LHFPL2: variants seen among roughly 807,000 people sequenced by gnomAD.
LHFPL2 encodes the protein LHFPL tetraspan subfamily member 2 protein.
Under a neutral mutation model 17.5 loss-of-function variants are expected in LHFPL2, and 7 were observed. The observed-to-expected ratio is 0.40, with a 90% CI of 0.23 to 0.75. LHFPL2 has a LOEUF of 0.75. Ranked by LOEUF, LHFPL2 falls within the 30% of genes least tolerant of loss-of-function variation. The pLI, the probability that LHFPL2 is intolerant of heterozygous loss-of-function variation, is 0.37. For missense variants in LHFPL2, 241 were observed against 294.8 expected (o/e 0.82, Z 1.34); for synonymous variants, 134 against 116.2 (o/e 1.15, Z -0.99).
At chr5:78,599,359 G>A (rs1024731485) in intron 2 of LHFPL2, among the ~76,000 whole-genome samples, 6 of 152,126 alleles carry the variant, frequency 3.9e-5, no homozygotes, top group African/African-American at 1.4e-4. Flanking sequence ...GAGTGCAGTG[G>A]CTCAATCTCG....
chr5:78,634,869 T>C (rs557049609), intron 1 of LHFPL2, among the ~76,000 whole-genome samples: 73 of 152,288 alleles, frequency 4.8e-4, no homozygotes, highest in African/African-American at 1.7e-3. Context: ...GACAAAGACA[T>C]TTTATTTGTG....
chr5:78,514,460 G>A (rs575220370), intron 3 of LHFPL2, among the ~76,000 whole-genome samples: 1 of 152,282 alleles, frequency 6.6e-6, no homozygotes, highest in Non-Finnish European at 1.5e-5. Context: ...GTGGGAGTCA[G>A]TCCTATGTAC....
intron 4 of LHFPL2, chr5:78,491,104 C>T (rs1754430716): frequency 6.6e-6 from 1 of 152,278 alleles, no homozygotes; most frequent in South Asian, 2.1e-4. Flanking sequence ...CAGTGGTCTT[C>T]ATCCTGTGAT....
At chr5:78,564,525 T>C (rs1034786070) in intron 3 of LHFPL2, among the ~76,000 whole-genome samples, 4 of 152,190 alleles carry the variant, frequency 2.6e-5, no homozygotes, top group African/African-American at 9.7e-5. Flanking sequence ...ATGCCTATTA[T>C]AAAGAGCTCT....
intron 3 of LHFPL2, 58 bp from the exon 4 acceptor site, chr5:78,510,456 G>T: frequency 1.9e-6 from 1 of 516,668 alleles, no homozygotes; most frequent in South Asian, 2.7e-5. Context: ...CCTTCCCGCC[G>T]CGCAGCGACA....
At chr5:78,616,268 T>A (rs1278033585) in intron 2 of LHFPL2, among the ~76,000 whole-genome samples, 2 of 152,042 alleles carry the variant, frequency 1.3e-5, no homozygotes, top group Non-Finnish European at 1.5e-5. Context: ...CTGGGACTAC[T>A]GGTGCCCGCC....
At chr5:78,624,080 T>C (rs1184686337) in intron 2 of LHFPL2, among the ~76,000 whole-genome samples, 1 of 152,256 alleles carries the variant, frequency 6.6e-6, no homozygotes, top group Non-Finnish European at 1.5e-5. Flanking sequence ...GTCATTCTTC[T>C]TGCTGCTTTG....
At chr5:78,521,244 A>C (rs1308935561) in intron 3 of LHFPL2, among the ~76,000 whole-genome samples, 1 of 152,224 alleles carries the variant, frequency 6.6e-6, no homozygotes, top group East Asian at 1.9e-4. Flanking sequence ...TTTATCCTCC[A>C]TTCCTCAGTA....
intron 2 of LHFPL2, among the ~76,000 whole-genome samples, chr5:78,604,527 G>T (rs1744141641): frequency 1.3e-5 from 2 of 152,178 alleles, no homozygotes; most frequent in South Asian, 2.1e-4. Flanking sequence ...ATGTAAATGA[G>T]AATTCAATCT....
chr5:78,600,834 C>T (rs1743988211), intron 2 of LHFPL2, among the ~76,000 whole-genome samples: 1 of 152,130 alleles, frequency 6.6e-6, no homozygotes, highest in East Asian at 1.9e-4. Context: ...AAGTTGGTAA[C>T]TAAAGTCAAA....
intron 2 of LHFPL2, among the ~76,000 whole-genome samples, chr5:78,589,640 A>T (rs957907846): frequency 6.6e-6 from 1 of 152,096 alleles, no homozygotes; most frequent in Non-Finnish European, 1.5e-5. Context: ...TGAATAGGTG[A>T]GCAGAGATGT....
At chr5:78,509,732 C>A in intron 4 of LHFPL2, 52 bp downstream of exon 4, 2 of 1,552,482 alleles carry the variant, frequency 1.3e-6, no homozygotes, top group Non-Finnish European at 1.8e-6. Flanking sequence ...TGCGCTGCAC[C>A]GGCAGCTCTC....
chr5:78,565,335 C>A (rs1295408570), intron 2 of LHFPL2, among the ~76,000 whole-genome samples: 1 of 152,128 alleles, frequency 6.6e-6, no homozygotes, highest in African/African-American at 2.4e-5. Context: ...AAGCTAAATT[C>A]ACAAAGATGT....
At chr5:78,516,033 C>T (rs1244721992) in intron 3 of LHFPL2, among the ~76,000 whole-genome samples, 1 of 152,106 alleles carries the variant, frequency 6.6e-6, no homozygotes, top group Non-Finnish European at 1.5e-5. Context: ...CATTCAGGTC[C>T]TTCTCTTCAG....
At chr5:78,587,061 CTTCA>C (rs1743438089) in intron 2 of LHFPL2, among the ~76,000 whole-genome samples, 1 of 152,078 alleles carries the variant, frequency 6.6e-6, no homozygotes, top group Non-Finnish European at 1.5e-5. Flanking sequence ...CATTTTCTTC[CTTCA>C]TTATTAGTAA....
chr5:78,584,993 GTGTTTTTTTTTT>G (rs1743320489), intron 2 of LHFPL2, among the ~76,000 whole-genome samples: 3 of 84,758 alleles, frequency 3.5e-5, no homozygotes, highest in African/African-American at 1.5e-4. Flanking sequence ...CTGGTGCGCT[GTGTTTTTTTTTT>G]TTTTTTTTTT....
At chr5:78,505,341 A>C (rs1754900504) in intron 4 of LHFPL2, among the ~76,000 whole-genome samples, 1 of 152,178 alleles carries the variant, frequency 6.6e-6, no homozygotes, top group Non-Finnish European at 1.5e-5. Context: ...TTCTCACCTC[A>C]TGAAGACTAA....
At chr5:78,583,103 A>G (rs1483649158) in intron 2 of LHFPL2, among the ~76,000 whole-genome samples, 1 of 151,418 alleles carries the variant, frequency 6.6e-6, no homozygotes, top group Non-Finnish European at 1.5e-5. Flanking sequence ...TAGGATTGCA[A>G]CCCCTGCCTT....
intron 3 of LHFPL2, among the ~76,000 whole-genome samples, chr5:78,563,458 G>A (rs1485956277): frequency 1.3e-5 from 2 of 152,102 alleles, no homozygotes; most frequent in Non-Finnish European, 2.9e-5. Context: ...CACTTTGGGA[G>A]GCTGAGGTGG....
Sources: allele counts gnomAD v4.1 joint callset (sites outside exome capture counted in the v4.1 genomes callset), GRCh38; gene constraint gnomAD v4.1.1; transcripts MANE v1.5; gene names NCBI Gene and HGNC (gene_info 2026-07-23, HGNC 2026-07-21).